YES1: variants seen among roughly 807,000 people sequenced by gnomAD.
YES1 encodes YES proto-oncogene 1, Src family tyrosine kinase.
In YES1, 39 loss-of-function variants were observed where a neutral mutation model predicts 70.4. That is an observed-to-expected ratio of 0.55 (90% CI 0.43 to 0.72). The LOEUF (loss-of-function observed/expected upper bound fraction) is 0.72. YES1 is among the 30% of genes least tolerant of loss of function. The probability of loss-of-function intolerance (pLI) is 0.00; values close to 1 mark genes in which losing one functional copy is unlikely to be tolerated. For missense variants in YES1, 495 were observed against 644.8 expected (o/e 0.77, Z 2.52); for synonymous variants, 198 against 218.6 (o/e 0.91, Z 0.83).
At chr18:753,251 C>T (rs1434392096) in intron 2 of YES1, among the ~76,000 whole-genome samples, 1 of 152,062 alleles carries the variant, frequency 6.6e-6, no homozygotes, top group African/African-American at 2.4e-5. Flanking sequence ...TGTGGAATGG[C>T]TAAGTAGAGC....
At chr18:796,534 C>A (rs933173403) in intron 1 of YES1, among the ~76,000 whole-genome samples, 4 of 152,244 alleles carry the variant, frequency 2.6e-5, no homozygotes, top group African/African-American at 4.8e-5. Context: ...CTTTGGGAGA[C>A]CGAGGCGGGC....
chr18:749,378 A>G (rs1272926524), intron 3 of YES1, among the ~76,000 whole-genome samples: 1 of 149,842 alleles, frequency 6.7e-6, no homozygotes, highest in Non-Finnish European at 1.5e-5. Flanking sequence ...TGTGCCTGTA[A>G]TCCCAGTTAC....
chr18:738,282 A>G (rs2080176200), intron 9 of YES1: 1 of 152,212 alleles, frequency 6.6e-6, no homozygotes, highest in African/African-American at 2.4e-5. Flanking sequence ...ACATATCTGA[A>G]GAGAAACTTT....
chr18:745,811 G>A lies in YES1; in HGVS notation c.621C>T (p.Asp207=), dbSNP rs1294510500. The change falls in exon 6 of 12, where the codon GAC becomes GAT. Residue 207 remains aspartate, a synonymous_variant. Coordinates refer to ENST00000314574, the MANE Select transcript of YES1 (RefSeq NM_005433.4). ...TCCTAATTTTGTAGTGTTTCACATT[G>A]TCACCCCTTATCTCATCCCAATCAC... ...SIRDWDEIRG[D]NVKHYKIRKL... is the part of the protein sequence containing the mutation. 1 of 1,612,806 alleles carries A rather than the reference G, an allele frequency of 6.2e-7. No individual in the cohort carries two copies. The highest frequency in any genetic ancestry group is 8.5e-7 in the Non-Finnish European group (1 of 1,179,776).
At chr18:729,036 T>C (rs971264497) in intron 11 of YES1, among the ~76,000 whole-genome samples, 3 of 152,232 alleles carry the variant, frequency 2.0e-5, no homozygotes, top group Non-Finnish European at 4.4e-5. Flanking sequence ...GTTGTTACTG[T>C]TTCATTTTTT....
chr18:764,763 C>G (rs112082973), intron 1 of YES1, among the ~76,000 whole-genome samples: 6,195 of 152,048 alleles, frequency 0.041, 433 homozygotes, highest in African/African-American at 0.14. Context: ...GACGGAGTCT[C>G]GTTCTGTCAC....
intron 1 of YES1, among the ~76,000 whole-genome samples, chr18:777,739 G>A (rs999364651): frequency 4.0e-5 from 6 of 151,370 alleles, no homozygotes; most frequent in Middle Eastern, 3.4e-3. Flanking sequence ...CCCAGGAGGC[G>A]GAGGTTGCAA....
intron 1 of YES1, chr18:775,321 T>C (rs1482248949): frequency 1.3e-5 from 2 of 151,744 alleles, no homozygotes; most frequent in Non-Finnish European, 2.9e-5. Flanking sequence ...CAAAGAAAAA[T>C]AAATGTACAA....
Position 743,240 on chromosome 18 carries a change from C to CG in YES1, c.880+19_880+20insC. On this transcript the variant is annotated intron_variant, in intron 7 of 11. Coordinates refer to ENST00000314574, the MANE Select transcript of YES1 (RefSeq NM_005433.4). ...TCCACAGCTAAACAATGACAGAAAA[C>CG]AAAAATTCAGGCTTCTTACCCATCC... The CG allele has an allele frequency of 1.3e-6, 2 of 1,599,704 alleles. No individual in the cohort carries two copies. Among genetic ancestry groups the CG allele is most frequent in the Non-Finnish European group, 1.7e-6 (2 of 1,171,446 alleles).
In YES1 at chr18:766,951, G is replaced by C. The variant is rs1287170493; in HGVS notation, c.-8-10116C>G. ...TTTGCATTTCCATAACAGTATCCTT[G>C]AACATGCTTTTAAATTTTAAGTTCA... is the stretch of plus-strand genomic sequence containing the variant. On this transcript the variant is annotated intron_variant, in intron 1 of 11. Transcript: ENST00000314574. 2.6e-5 allele frequency among the ~76,000 whole-genome samples: 4 copies of C among 151,854 alleles called. No individual in the cohort carries two copies. The East Asian group carries it at 7.7e-4, about 29-fold the overall frequency.
At chr18:754,200 G>A (rs144872080) in intron 2 of YES1, among the ~76,000 whole-genome samples, 15 of 152,132 alleles carry the variant, frequency 9.9e-5, no homozygotes, top group Admixed American at 1.3e-4. Context: ...ACCTAAACTC[G>A]CTACCAGAGT....
chr18:795,731 A>G (rs1008572141), intron 1 of YES1, among the ~76,000 whole-genome samples: 4 of 150,122 alleles, frequency 2.7e-5, no homozygotes, highest in Non-Finnish European at 4.4e-5. Flanking sequence ...CAGGGAGGGG[A>G]ACATCACACA....
In YES1 at chr18:739,926, T is replaced by A. The variant is rs76425708; in HGVS notation, c.1061-115A>T. On this transcript the variant is annotated intron_variant, in intron 8 of 11. Coordinates refer to ENST00000314574, the MANE Select transcript of YES1 (RefSeq NM_005433.4). Reference sequence around the variant, plus strand: ...AAACTTCTTAGCTTTTCATTTTTTTTAAATTTTGTGCAGTTTTGCAGTTTC... The same window carrying A: ...AAACTTCTTAGCTTTTCATTTTTTTAAAATTTTGTGCAGTTTTGCAGTTTC... The A allele has an allele frequency of 6.6e-5, 48 of 728,852 alleles. 1 individual carries two copies. The Middle Eastern group carries it at 1.3e-3, about 19-fold the overall frequency. 45.1% of individuals were successfully genotyped at this position (728,852 alleles called of 1,614,324 possible). A position where few individuals can be genotyped will look rare whatever the true frequency, so the allele number is the denominator to read the frequency against.
At chr18:745,206 C>T (rs370573975) in intron 6 of YES1, among the ~76,000 whole-genome samples, 1 of 152,118 alleles carries the variant, frequency 6.6e-6, no homozygotes, top group Non-Finnish European at 1.5e-5. Flanking sequence ...TAAATACCTT[C>T]AGAGGTCCTT....
At chr18:790,347 G>A (rs1598937914) in intron 1 of YES1, among the ~76,000 whole-genome samples, 1 of 152,232 alleles carries the variant, frequency 6.6e-6, no homozygotes, top group African/African-American at 2.4e-5. Flanking sequence ...CTGAACTCCA[G>A]CCTCGGCAAC....
At chr18:779,358 C>G (rs559606976) in intron 1 of YES1, among the ~76,000 whole-genome samples, 1 of 149,646 alleles carries the variant, frequency 6.7e-6, no homozygotes, top group East Asian at 2.0e-4. Flanking sequence ...AAGTTATGAT[C>G]GCACCACTGC....
intron 1 of YES1, among the ~76,000 whole-genome samples, chr18:758,382 T>C (rs1904401142): frequency 6.6e-6 from 1 of 152,132 alleles, no homozygotes; most frequent in Non-Finnish European, 1.5e-5. Context: ...GAAACACCCC[T>C]AACGCTCACC....
intron 2 of YES1, among the ~76,000 whole-genome samples, chr18:753,896 A>T (rs912655446): frequency 2.6e-5 from 4 of 152,206 alleles, no homozygotes; most frequent in African/African-American, 9.6e-5. Flanking sequence ...CTATCTAAGT[A>T]AATGGCCCTA....
intron 2 of YES1, among the ~76,000 whole-genome samples, chr18:756,284 G>C (rs974300170): frequency 2.9e-4 from 44 of 150,484 alleles, no homozygotes; most frequent in African/African-American, 1.1e-3. Context: ...GCCTACAGTG[G>C]GGGGGGGCTC....
Sources: gnomAD v4.1 joint callset for allele counts (sites outside exome capture counted in the v4.1 genomes callset) on GRCh38, gnomAD v4.1.1 for gene constraint, MANE v1.5 for transcripts, NCBI Gene and HGNC (gene_info 2026-07-23, HGNC 2026-07-21) for gene names.